Variants in BMP1 observed in about 807,000 individuals in gnomAD.
BMP1 encodes mammalian tolloid protein.
A neutral mutation model predicts 116.8 loss-of-function variants in BMP1; 63 were observed. The observed-to-expected ratio is 0.54, with a 90% confidence interval of 0.44 to 0.67. BMP1 has a LOEUF of 0.67. Ranked by LOEUF, BMP1 falls within the 30% of genes least tolerant of loss-of-function variation. The pLI is 0.00. For missense variants in BMP1, 1,183 were observed against 1,358.9 expected, an observed-to-expected ratio of 0.87 and a Z score of 2.04; for synonymous variants, 536 against 533.4, an observed-to-expected ratio of 1.00 and a Z score of -0.07.
chr8:22,178,088 C>A, intron 6 of BMP1, 131 bp downstream of exon 6: 2 of 740,088 alleles, frequency 2.7e-6, no homozygotes, highest in East Asian at 2.6e-5. Context: ...GGGGCTGTGG[C>A]CTCCAAGCAG....
intron 8 of BMP1, among the ~76,000 whole-genome samples, chr8:22,190,799 C>A (rs117493712): frequency 0.018 from 2,698 of 152,310 alleles, 45 homozygotes; most frequent in Non-Finnish European, 0.03. Flanking sequence ...CTGCCTCTAA[C>A]TCTCTAAGAA....
chr8:22,202,003 C>T (rs770268922), intron 16 of BMP1, 75 bp downstream of exon 16: 12 of 1,527,248 alleles, frequency 7.9e-6, no homozygotes, highest in Admixed American at 2.0e-5. Flanking sequence ...GGATCATCTC[C>T]ATCAGCCTCC....
At chr8:22,208,047 C>A (rs1028042389) in intron 18 of BMP1, among the ~76,000 whole-genome samples, 2 of 145,202 alleles carry the variant, frequency 1.4e-5, no homozygotes, top group Non-Finnish European at 2.9e-5. Context: ...CCATGCCCAG[C>A]TAATTTTTGT....
At chr8:22,211,289 T>C (rs1299049153) in intron 19 of BMP1, among the ~76,000 whole-genome samples, 1 of 152,238 alleles carries the variant, frequency 6.6e-6, no homozygotes, top group East Asian at 1.9e-4. Flanking sequence ...AGAGACCTTT[T>C]GCTCCTGTTT....
At chr8:22,206,119 C>T (rs1829348501) in intron 16 of BMP1, among the ~76,000 whole-genome samples, 1 of 152,182 alleles carries the variant, frequency 6.6e-6, no homozygotes, top group Non-Finnish European at 1.5e-5. Flanking sequence ...GTAATCCCAG[C>T]ACTTTGGAAG....
chr8:22,178,138 C>T (rs1370907851), intron 6 of BMP1, among the ~76,000 whole-genome samples, 181 bp downstream of exon 6: 2 of 152,192 alleles, frequency 1.3e-5, no homozygotes, highest in Non-Finnish European at 2.9e-5. Context: ...TCCTCTTCCA[C>T]GGGTGGGTCT....
chr8:22,183,544 G>A (rs1424864602), intron 8 of BMP1, among the ~76,000 whole-genome samples: 1 of 151,848 alleles, frequency 6.6e-6, no homozygotes. Context: ...GATAATAATA[G>A]CAATAACTAA....
At chr8:22,166,479 G>A (rs914382841) in intron 1 of BMP1, among the ~76,000 whole-genome samples, 3 of 152,204 alleles carry the variant, frequency 2.0e-5, no homozygotes, top group Non-Finnish European at 4.4e-5. Flanking sequence ...CAGGCACTCG[G>A]GCCATTTGCC....
chr8:22,185,420 C>T (rs2131863855), intron 8 of BMP1, among the ~76,000 whole-genome samples: 1 of 151,656 alleles, frequency 6.6e-6, no homozygotes, highest in East Asian at 1.9e-4. Context: ...CGTGCCACTG[C>T]ATTCCAGCCT....
Position 22,209,589 on chromosome 8 carries a change from A to T in BMP1, c.2720A>T (p.Gln907Leu). The T allele has an allele frequency of 1.2e-6, 2 of 1,614,188 alleles. No homozygotes were observed. The highest frequency in any genetic ancestry group is 1.7e-6 in the Non-Finnish European group (2 of 1,180,010). The change falls in exon 19 of 20, where the codon CAG (glutamine) becomes CTG (leucine). Residue 907 changes from glutamine (Q) to leucine (L), a missense_variant. Physicochemically the swap from Gln to Leu is moderately radical, Grantham distance 113. Transcript: ENST00000306385. ...GGCTACGGCGTGGAGCTCGTGTTCC[A>T]GACCTTTGAGGTGGAGGAGGAGACC... ...EEGYGVELVF[Q>L]TFEVEEETDC...
At chr8:22,198,945 C>T (rs1311759927) in intron 15 of BMP1, 1 of 1,263,512 alleles carries the variant, frequency 7.9e-7, no homozygotes, top group South Asian at 1.4e-5. Flanking sequence ...GGATGTAACA[C>T]CCACTCGGGG....
chr8:22,187,856 C>T (rs1828820969), intron 8 of BMP1, among the ~76,000 whole-genome samples: 1 of 152,082 alleles, frequency 6.6e-6, no homozygotes, highest in Admixed American at 6.6e-5. Flanking sequence ...ATTGAACTCC[C>T]CTAAGTCTTG....
chr8:22,177,268 A>G lies in BMP1; in HGVS notation c.730+129A>G, dbSNP rs556394419. 123 of 1,018,568 alleles carry G rather than the reference A, an allele frequency of 1.2e-4. No homozygotes were observed. The African/African-American group carries it at 1.8e-3, about 15-fold the overall frequency. The allele number at this position is 1,018,568 out of a possible 1,614,324, so 63.1% of individuals were successfully genotyped here. On this transcript the variant is annotated intron_variant, in intron 5 of 19. Transcript: ENST00000306385. ...CGCCTGGGCCCGCAGCGCTGCCCAC[A>G]GCCTGGGTTGAGCCAGCCCCTGCCC...
rs57781366 is a variant in BMP1 at position 22,174,627 on chromosome 8, C to CTTTTTTTTTTTTTT, written c.262+922_262+935dup. Among the ~76,000 whole-genome samples the CTTTTTTTTTTTTTT allele has an allele frequency of 3.8e-5, 4 of 106,286 alleles. 1 individual carries two copies. Among genetic ancestry groups the CTTTTTTTTTTTTTT allele is most frequent in the African/African-American group, 7.6e-5 (2 of 26,400 alleles). 69.7% of individuals were successfully genotyped at this position (106,286 alleles called of 152,430 possible). A position where few individuals can be genotyped will look rare whatever the true frequency, so the allele number is the denominator to read the frequency against. Reference sequence around the variant, plus strand: ...GGGATTCTTTCTTCTTTTTTTCTGTCTTTTTTTTTTTTTTTTTTTTTTTGA... The same window carrying CTTTTTTTTTTTTTT: ...GGGATTCTTTCTTCTTTTTTTCTGTCTTTTTTTTTTTTTTTTTTTTTTTTTTTTTTTTTTTTTGA... On this transcript the variant is annotated intron_variant, in intron 2 of 19. Coordinates refer to ENST00000306385, the MANE Select transcript of BMP1 (RefSeq NM_006129.5).
intron 16 of BMP1, among the ~76,000 whole-genome samples, chr8:22,204,413 T>A (rs892058212): frequency 2.0e-5 from 3 of 152,180 alleles, no homozygotes; most frequent in African/African-American, 7.2e-5. Context: ...TCATGAATAA[T>A]GATCATCAGC....
At chr8:22,189,461 CAT>C (rs1491483136) in intron 8 of BMP1, among the ~76,000 whole-genome samples, 6,778 of 148,396 alleles carry the variant, frequency 0.046, 244 homozygotes, top group Admixed American at 0.09. Context: ...CACACACACA[CAT>C]ATCTTATATA....
chr8:22,178,973 C>T (rs1305732458), intron 6 of BMP1, among the ~76,000 whole-genome samples: 1 of 152,186 alleles, frequency 6.6e-6, no homozygotes, highest in Non-Finnish European at 1.5e-5. Context: ...CTGCCCCCCA[C>T]ACCCACAGAC....
rs1828349677 is a variant in BMP1, at chr8:22,173,709, G to C, written c.256G>C (p.Ala86Pro). ...CACAGCTCGTAAGTCCTCCATCAAA[G>C]CTGCAGGTAAGCCGGGTGCCAATGG... ...RHTARKSSIK[A>P]AVPGNTSTPS... The change falls in exon 2 of 20, where the codon GCT (alanine) becomes CCT (proline). Residue 86 changes from alanine (A) to proline (P), a missense_variant. Transcript: ENST00000306385. 6.2e-6 allele frequency: 10 copies of C among 1,610,414 alleles called. No homozygotes were observed. Among genetic ancestry groups the C allele is most frequent in the Non-Finnish European group, 8.5e-6 (10 of 1,177,938 alleles).
rs567377893 is a variant in BMP1 at position 22,166,747 on chromosome 8, C to A, written c.148+1194C>A. Among the ~76,000 whole-genome samples the A allele has an allele frequency of 2.6e-5, 4 of 152,316 alleles. No individual in the cohort carries two copies. In the South Asian group the frequency reaches 8.3e-4, roughly 32 times the overall value. Reference sequence around the variant, plus strand: ...CCACAGGCAGGAATAAGAGACCATCCAATGGAGGAAATCAGGGCAAATCCC... The same window carrying A: ...CCACAGGCAGGAATAAGAGACCATCAAATGGAGGAAATCAGGGCAAATCCC... On this transcript the variant is annotated intron_variant, in intron 1 of 19. Transcript: ENST00000306385.
Sources: allele counts gnomAD v4.1 joint callset (sites outside exome capture counted in the v4.1 genomes callset), GRCh38; gene constraint gnomAD v4.1.1; transcripts MANE v1.5; gene names NCBI Gene and HGNC (gene_info 2026-07-23, HGNC 2026-07-21).